The following ZNF385D variants were observed in gnomAD, a reference collection of about 807,000 sequenced individuals.
ZNF385D encodes zinc finger protein 659.
ZNF385D carries 15 observed loss-of-function variants against 35.8 expected under a neutral mutation model. The ratio of observed to expected loss-of-function variants is 0.42; its 90% CI spans 0.28 to 0.64. The LOEUF (loss-of-function observed/expected upper bound fraction) is 0.64, where lower values mean the gene tolerates loss of function less well. ZNF385D is among the 30% of genes least tolerant of loss of function. The probability of loss-of-function intolerance (pLI) is 0.23; values close to 1 mark genes in which losing one functional copy is unlikely to be tolerated. For synonymous variants in ZNF385D, 212 were observed against 186.8 expected (o/e 1.13, Z -1.10); for missense variants, 474 against 494.6 (o/e 0.96, Z 0.39).
chr3:21,816,921 T>G (rs2073173310), intron 3 of ZNF385D, among the ~76,000 whole-genome samples: 1 of 152,142 alleles, frequency 6.6e-6, no homozygotes. Context: ...TCACACTACC[T>G]GACTTCAAAC....
intron 2 of ZNF385D, among the ~76,000 whole-genome samples, chr3:21,660,285 C>T (rs2066198872): frequency 6.6e-6 from 1 of 152,130 alleles, no homozygotes; most frequent in Non-Finnish European, 1.5e-5. Context: ...CAAAAGTTAT[C>T]CTCTTTTATT....
intron 3 of ZNF385D, among the ~76,000 whole-genome samples, chr3:21,908,290 T>C (rs1266830482): frequency 6.6e-6 from 1 of 151,982 alleles, no homozygotes; most frequent in Non-Finnish European, 1.5e-5. Flanking sequence ...AAAAATATAA[T>C]TCCAGGATGC....
chr3:22,083,876 C>T (rs1488998568), intron 3 of ZNF385D, among the ~76,000 whole-genome samples: 1 of 152,168 alleles, frequency 6.6e-6, no homozygotes, highest in African/African-American at 2.4e-5. Flanking sequence ...AGACTAACAG[C>T]TGATCTCTCA....
intron 3 of ZNF385D, among the ~76,000 whole-genome samples, chr3:21,954,821 G>C (rs543917006): frequency 6.6e-6 from 1 of 151,992 alleles, no homozygotes; most frequent in African/African-American, 2.4e-5. Context: ...TGACTTTTGT[G>C]TTATACTTGC....
In ZNF385D at chr3:21,419,636, C is replaced by T. The variant is rs1296342329; in HGVS notation, c.*1578G>A. On this transcript the variant is annotated 3_prime_UTR_variant, in exon 8 of 8. Coordinates refer to ENST00000281523, the MANE Select transcript of ZNF385D (RefSeq NM_024697.3). ...TTCAGTGTCATTGCTCTTATTAATG[C>T]AACAGACTGGCTGCATCAAACCCCA... 6.6e-6 allele frequency: 1 copy of T among 152,036 alleles called. No individual in the cohort carries two copies. The highest frequency in any genetic ancestry group is 2.4e-5 in the African/African-American group (1 of 41,410). 9.4% of individuals were successfully genotyped at this position (152,036 alleles called of 1,614,324 possible).
In ZNF385D at chr3:22,357,925, G is replaced by A. The variant is rs184516306; in HGVS notation, c.106+14525C>T. On this transcript the variant is annotated intron_variant, in intron 2 of 5. Transcript: ENST00000494108. ...GAAGAAGGAGAACAAGAAATATTAG[G>A]AAACAGATTTAAACATTACAAGCAT... Among the ~76,000 whole-genome samples, 485 of 151,942 alleles carry A rather than the reference G, an allele frequency of 3.2e-3. 3 individuals are homozygous for A. The highest frequency in any genetic ancestry group is 3.1e-3 in the Non-Finnish European group (208 of 67,844).
intron 5 of ZNF385D, among the ~76,000 whole-genome samples, chr3:21,436,454 T>C (rs1306705918): frequency 1.3e-5 from 2 of 152,118 alleles, no homozygotes; most frequent in East Asian, 3.9e-4. Context: ...AAAGAGTACA[T>C]TTAGAAATCA....
chr3:21,573,798 C>T (rs918066438), intron 2 of ZNF385D, among the ~76,000 whole-genome samples: 1 of 151,530 alleles, frequency 6.6e-6, no homozygotes, highest in African/African-American at 2.4e-5. Context: ...GGTGGCTCAC[C>T]CATGTAATCC....
chr3:22,255,119 G>A (rs1700248294), intron 2 of ZNF385D, among the ~76,000 whole-genome samples: 1 of 151,196 alleles, frequency 6.6e-6, no homozygotes, highest in Non-Finnish European at 1.5e-5. Context: ...CTGAGACTTG[G>A]GAAAACAAAA....
chr3:22,151,102 T>C (rs2125719457), intron 3 of ZNF385D, among the ~76,000 whole-genome samples: 1 of 152,310 alleles, frequency 6.6e-6, no homozygotes, highest in East Asian at 1.9e-4. Flanking sequence ...CAACTCTGGA[T>C]GTGTCTTCCC....
In ZNF385D at chr3:21,582,462, A is replaced by AT. The variant is rs1464362881; in HGVS notation, c.166-17779dup. Among the ~76,000 whole-genome samples, 17 of 152,064 alleles carry AT rather than the reference A, an allele frequency of 1.1e-4. No individual in the cohort carries two copies. The East Asian group carries it at 3.1e-3, about 28-fold the overall frequency. ...AAAGCACTAGTTCTCTCTTCTGCATATTTTTTTTCTCTACTCTGCCTATTT... is the reference window on the plus strand; with the variant it reads ...AAAGCACTAGTTCTCTCTTCTGCATATTTTTTTTTCTCTACTCTGCCTATTT... On this transcript the variant is annotated intron_variant, in intron 2 of 7. Coordinates refer to ENST00000281523, the MANE Select transcript of ZNF385D (RefSeq NM_024697.3).
intron 2 of ZNF385D, among the ~76,000 whole-genome samples, chr3:22,182,458 A>G (rs1695343265): frequency 6.6e-6 from 1 of 152,106 alleles, no homozygotes. Context: ...ATAACTAATC[A>G]ATTATGACAA....
intron 1 of ZNF385D, among the ~76,000 whole-genome samples, chr3:21,695,526 G>A (rs1266920744): frequency 2.6e-5 from 4 of 152,156 alleles, no homozygotes; most frequent in African/African-American, 9.7e-5. Context: ...AAGTGGAACT[G>A]ACCAATAGCC....
intron 2 of ZNF385D, among the ~76,000 whole-genome samples, chr3:21,597,779 A>G (rs2064167558): frequency 6.6e-6 from 1 of 152,206 alleles, no homozygotes; most frequent in African/African-American, 2.4e-5. Context: ...TAAGCTCACC[A>G]AACATCTTGA....
At chr3:21,426,328 C>T (rs111906471) in intron 5 of ZNF385D, among the ~76,000 whole-genome samples, 2 of 152,192 alleles carry the variant, frequency 1.3e-5, no homozygotes, top group African/African-American at 2.4e-5. Context: ...GGGGTGGACT[C>T]GTAACCCAAG....
chr3:21,725,685 G>A (rs6768787), intron 1 of ZNF385D, among the ~76,000 whole-genome samples: 101,961 of 152,018 alleles, frequency 0.67, 34,283 homozygotes, highest in East Asian at 0.76. Context: ...TTGATGAATA[G>A]TTAATAGCCT....
chr3:21,897,922 ATT>A (rs1699215691), intron 3 of ZNF385D, among the ~76,000 whole-genome samples: 1 of 152,138 alleles, frequency 6.6e-6, no homozygotes, highest in Admixed American at 6.6e-5. Context: ...TTTTGTTGTT[ATT>A]TGTTAGTTTT....
chr3:22,193,578 T>C (rs917175182), intron 2 of ZNF385D, among the ~76,000 whole-genome samples: 11 of 152,164 alleles, frequency 7.2e-5, no homozygotes, highest in Admixed American at 2.6e-4. Flanking sequence ...AACTTCAAAA[T>C]TGAAGATTAT....
intron 2 of ZNF385D, among the ~76,000 whole-genome samples, chr3:21,643,615 C>T (rs1238732555): frequency 6.6e-6 from 1 of 152,096 alleles, no homozygotes; most frequent in Non-Finnish European, 1.5e-5. Flanking sequence ...AATTCTCATG[C>T]ACCTCAGAGT....
Sources: gnomAD v4.1 joint callset for allele counts (sites outside exome capture counted in the v4.1 genomes callset) on GRCh38, gnomAD v4.1.1 for gene constraint, MANE v1.5 for transcripts, NCBI Gene and HGNC (gene_info 2026-07-23, HGNC 2026-07-21) for gene names.